Variants in COL6A5 observed in about 807,000 individuals in gnomAD.
COL6A5 encodes collagen alpha-5(VI) chain.
Under a neutral mutation model 65.6 loss-of-function variants are expected in COL6A5, and 48 were observed. The observed-to-expected ratio is 0.73, with a 90% confidence interval of 0.58 to 0.93. COL6A5 has a LOEUF of 0.93. Ranked by LOEUF, COL6A5 falls within the 40% of genes least tolerant of loss-of-function variation. The pLI, the probability that COL6A5 is intolerant of heterozygous loss-of-function variation, is 0.00. For synonymous variants in COL6A5, 291 were observed against 322.8 expected, an observed-to-expected ratio of 0.90 and a Z score of 1.05; for missense variants, 914 against 928.3, an observed-to-expected ratio of 0.98 and a Z score of 0.20.
intron 20 of COL6A5, among the ~76,000 whole-genome samples, chr3:130,412,845 GA>G (rs1937220601): frequency 6.6e-6 from 1 of 152,140 alleles, no homozygotes; most frequent in Non-Finnish European, 1.5e-5. Context: ...GCAGTTGAAA[GA>G]AAACAGCAGT....
chr3:130,352,124 A>G (rs577662287), intron 1 of COL6A5, among the ~76,000 whole-genome samples: 6 of 152,280 alleles, frequency 3.9e-5, no homozygotes, highest in Non-Finnish European at 7.4e-5. Context: ...ACTTGGATAC[A>G]GGGCGGGGAA....
At chr3:130,467,220 G>A (rs1321838602) in intron 5 of COL6A5, among the ~76,000 whole-genome samples, 10 of 151,990 alleles carry the variant, frequency 6.6e-5, no homozygotes, top group East Asian at 1.9e-4. Context: ...GGATATCTGC[G>A]AATAACATGG....
chr3:130,482,989 A>G (rs554523619), intron 7 of COL6A5, among the ~76,000 whole-genome samples: 7 of 152,258 alleles, frequency 4.6e-5, no homozygotes, highest in Non-Finnish European at 8.8e-5. Context: ...AAGTTGGGTT[A>G]CCCACAAAGG....
In COL6A5 at chr3:130,433,887, T is replaced by C. The variant is rs76106840; in HGVS notation, c.487+1938T>C. Among the ~76,000 whole-genome samples the C allele has an allele frequency of 7.2e-3, 1,103 of 152,276 alleles. 10 individuals are homozygous for C. The highest frequency in any genetic ancestry group is 0.012 in the Non-Finnish European group (820 of 68,012). The stretch of plus-strand genomic sequence containing the variant: ...ACTCACCTCACATCCCTTGTATCCC[T>C]TGTTTTTGGCATTATTATTTCTTTT... On this transcript the variant is annotated intron_variant, in intron 1 of 7. Transcript: ENST00000512836.
exon 4 of COL6A5, chr3:130,443,561 T>A (rs773204494): frequency 1.3e-6 from 2 of 1,598,634 alleles, no homozygotes; most frequent in Non-Finnish European, 1.7e-6. Flanking sequence ...AAAATGATGG[T>A]TTCCAGTAAG....
chr3:130,353,643 A>G (rs1046068978), intron 1 of COL6A5, among the ~76,000 whole-genome samples: 1 of 152,134 alleles, frequency 6.6e-6, no homozygotes, highest in Non-Finnish European at 1.5e-5. Flanking sequence ...TACAAAGAAA[A>G]GAGAGAGAAG....
Position 130,447,219 on chromosome 3 carries a change from G to T in COL6A5, c.1332+3653G>T, listed in dbSNP as rs183190643. Among the ~76,000 whole-genome samples, 227 of 152,204 alleles carry T rather than the reference G, an allele frequency of 1.5e-3. 2 individuals carry two copies. Among genetic ancestry groups the T allele is most frequent in the African/African-American group, 5.4e-3 (223 of 41,544 alleles). ...CATGGGTCATGCCTTCCCCTGTTTG[G>T]CAAGTAGCCCAGATAAAACCTGAGA... On this transcript the variant is annotated intron_variant, in intron 4 of 7. Coordinates refer to ENST00000512836, the Ensembl canonical transcript of COL6A5.
upstream of COL6A5, among the ~76,000 whole-genome samples, chr3:130,426,595 G>A (rs372291495): frequency 2.6e-5 from 4 of 152,242 alleles, 1 homozygote; most frequent in East Asian, 5.8e-4. Context: ...AAGTAAAAGT[G>A]CCTTCGCTCA....
At chr3:130,384,839 C>G in exon 5 of COL6A5, 1 of 1,549,582 alleles carries the variant, frequency 6.5e-7, no homozygotes, top group African/African-American at 1.4e-5. Context: ...TATCCACTTC[C>G]TCATTGATGG....
Position 130,403,951 on chromosome 3 carries a change from C to G in COL6A5, c.4281+289C>G, listed in dbSNP as rs547135408. On this transcript the variant is annotated intron_variant and NMD_transcript_variant, in intron 13 of 41. Transcript: ENST00000312481. ...GTCTAAGTTTGGGGTAAGGAGGGAA[C>G]AGGCTTACACGTGTAGCCTGGCATG... 4.6e-5 allele frequency among the ~76,000 whole-genome samples: 7 copies of G among 152,210 alleles called. No homozygotes were observed. The South Asian group carries it at 1.5e-3, about 32-fold the overall frequency.
chr3:130,427,987 G>C (rs1559897486), upstream of COL6A5, among the ~76,000 whole-genome samples: 1 of 152,102 alleles, frequency 6.6e-6, no homozygotes, highest in Non-Finnish European at 1.5e-5. Context: ...ATGAATGTGG[G>C]ATCAACTTTC....
chr3:130,432,009 GCAGGA>G (rs1404290167), intron 1 of COL6A5, 60 bp downstream of exon 33: 2 of 1,503,762 alleles, frequency 1.3e-6, no homozygotes, highest in African/African-American at 1.4e-5. Context: ...TTGTGATAGG[GCAGGA>G]TGGGAGTGGT....
At chr3:130,421,170 A>G (rs1332344117) in exon 26 of COL6A5, 13 of 1,550,658 alleles carry the variant, frequency 8.4e-6, no homozygotes, top group Admixed American at 3.9e-5. Context: ...CTGGCATCCC[A>G]GGCTACGGTC....
intron 1 of COL6A5, among the ~76,000 whole-genome samples, chr3:130,362,050 T>A (rs1287100466): frequency 6.6e-6 from 1 of 151,996 alleles, no homozygotes; most frequent in Admixed American, 6.6e-5. Flanking sequence ...AAGCATGACA[T>A]TTTAATGTTA....
chr3:130,378,228 A>T (rs896676115), intron 3 of COL6A5, among the ~76,000 whole-genome samples: 2 of 152,108 alleles, frequency 1.3e-5, no homozygotes, highest in Non-Finnish European at 2.9e-5. Context: ...CATGTCTGAA[A>T]CAGAACACAA....
chr3:130,457,217 G>T lies in COL6A5; in HGVS notation c.1544+1551G>T, dbSNP rs1352962842. Among the ~76,000 whole-genome samples the T allele has an allele frequency of 3.3e-5, 5 of 152,094 alleles. No homozygotes were observed. The East Asian group carries it at 9.7e-4, about 29-fold the overall frequency. ...AATTTATTATGGTTTGGTTTAAAAA[G>T]GGGAAAAAAGAGAAGAAGAGGTGTT... On this transcript the variant is annotated intron_variant, in intron 5 of 7. Coordinates refer to ENST00000512836, the Ensembl canonical transcript of COL6A5.
At chr3:130,427,169 G>A (rs1937622481), upstream of COL6A5, among the ~76,000 whole-genome samples, 2 of 152,058 alleles carry the variant, frequency 1.3e-5, no homozygotes, top group South Asian at 4.2e-4. Context: ...ATTATAAAAT[G>A]AAATTGAATC....
At chr3:130,354,736 T>A (rs1327911799) in intron 1 of COL6A5, among the ~76,000 whole-genome samples, 1 of 152,204 alleles carries the variant, frequency 6.6e-6, no homozygotes, top group East Asian at 1.9e-4. Context: ...GACATTGATC[T>A]CTTTAGCCTG....
chr3:130,381,544 G>T (rs1391120830), intron 4 of COL6A5, among the ~76,000 whole-genome samples: 1 of 151,942 alleles, frequency 6.6e-6, no homozygotes, highest in African/African-American at 2.4e-5. Flanking sequence ...TCCAGTGAAG[G>T]ATCTCCTAGT....
Sources: gnomAD v4.1 joint callset for allele counts (sites outside exome capture counted in the v4.1 genomes callset) on GRCh38, gnomAD v4.1.1 for gene constraint, MANE v1.5 for transcripts, NCBI Gene and HGNC (gene_info 2026-07-23, HGNC 2026-07-21) for gene names.